The following MYH9 variants were observed in gnomAD, a reference collection of about 807,000 sequenced individuals.
MYH9 encodes myosin-9.
A neutral mutation model predicts 241.9 loss-of-function variants in MYH9; 29 were observed. The observed-to-expected ratio is 0.12, with a 90% CI of 0.09 to 0.16. The LOEUF (loss-of-function observed/expected upper bound fraction) is 0.16, where lower values mean the gene tolerates loss of function less well. Ranked by LOEUF, MYH9 falls within the 10% of genes least tolerant of loss-of-function variation. The probability of loss-of-function intolerance (pLI) is 1.00; values close to 1 mark genes in which losing one functional copy is unlikely to be tolerated. For synonymous variants in MYH9, 1,047 were observed against 1,062.6 expected (o/e 0.99, Z 0.29); for missense variants, 1,803 against 2,595.5 (o/e 0.69, Z 6.63).
intron 31 of MYH9, among the ~76,000 whole-genome samples, chr22:36,291,760 G>A (rs1393769971): frequency 2.0e-5 from 3 of 150,408 alleles, no homozygotes; most frequent in East Asian, 1.9e-4. Context: ...AAATCAGAAA[G>A]GAAAAGTCAC....
In MYH9 at chr22:36,329,590, C is replaced by A. The variant is rs1044540095; in HGVS notation, c.491-2102G>T. Among the ~76,000 whole-genome samples the A allele has an allele frequency of 2.0e-5, 3 of 152,224 alleles. No individual in the cohort carries two copies. Among genetic ancestry groups the A allele is most frequent in the Non-Finnish European group, 4.4e-5 (3 of 68,044 alleles). On this transcript the variant is annotated intron_variant, in intron 3 of 40. Coordinates refer to ENST00000216181, the MANE Select transcript of MYH9 (RefSeq NM_002473.6). The surrounding 1 kb of genome is among the most constrained non-coding windows in gnomAD (Gnocchi z 4.1). ...GCGAGTGCTGGCAAGTCGTGAGCAGCCAACGGCCCAATGCTACCATAAAAG... is the reference window on the plus strand; with the variant it reads ...GCGAGTGCTGGCAAGTCGTGAGCAGACAACGGCCCAATGCTACCATAAAAG...
intron 1 of MYH9, among the ~76,000 whole-genome samples, chr22:36,377,969 A>G (rs2018197739): frequency 6.6e-6 from 1 of 151,768 alleles, no homozygotes; most frequent in Non-Finnish European, 1.5e-5. Flanking sequence ...AGATGATGTT[A>G]TTGTTACTAT....
At chr22:36,290,036 T>C (rs1014272080) in intron 31 of MYH9, among the ~76,000 whole-genome samples, 2 of 152,192 alleles carry the variant, frequency 1.3e-5, no homozygotes, top group Non-Finnish European at 2.9e-5. Context: ...CGATGTCTTC[T>C]ACTGTTCTAT....
Position 36,351,538 on chromosome 22 carries a change from G to A in MYH9, c.-19-2283C>T, listed in dbSNP as rs6000254. On this transcript the variant is annotated intron_variant, in intron 1 of 40. Coordinates refer to ENST00000216181, the MANE Select transcript of MYH9 (RefSeq NM_002473.6). Reference sequence around the variant, plus strand: ...ACTTCACCCTGGCCAGTCCATTCAAGCAAATCCAAGGTTTCTCCCTGCCAG... The same window carrying A: ...ACTTCACCCTGGCCAGTCCATTCAAACAAATCCAAGGTTTCTCCCTGCCAG... 5.0e-3 allele frequency among the ~76,000 whole-genome samples: 755 copies of A among 152,208 alleles called. 9 individuals carry two copies. Among genetic ancestry groups the A allele is most frequent in the African/African-American group, 0.017 (700 of 41,504 alleles).
intron 1 of MYH9, among the ~76,000 whole-genome samples, chr22:36,351,528 G>A (rs997947927): frequency 6.6e-6 from 1 of 152,158 alleles, no homozygotes; most frequent in Non-Finnish European, 1.5e-5. Context: ...ACCCTGGCCA[G>A]TCCATTCAAG....
At chr22:36,297,105 G>A (rs535236026) in intron 24 of MYH9, 91 bp from the exon 25 acceptor site, 2 of 1,420,276 alleles carry the variant, frequency 1.4e-6, no homozygotes, top group Non-Finnish European at 1.9e-6. Flanking sequence ...CACTCGTTAT[G>A]AAACGTGTGT....
chr22:36,314,639 TG>T (rs2017121372), intron 12 of MYH9, among the ~76,000 whole-genome samples: 1 of 151,122 alleles, frequency 6.6e-6, no homozygotes, highest in African/African-American at 2.4e-5. Context: ...AGTAATACAT[TG>T]TTTTTTTTTT....
At position 36,335,111 on chromosome 22, in the gene MYH9, C is replaced by T. The variant is rs6000241; in HGVS notation, c.490+6259G>A. On this transcript the variant is annotated intron_variant, in intron 3 of 40. Transcript: ENST00000216181. ...CAGAAGCTCTCGAGGCTCGGTGGGG[C>T]GCCCCTCCTCTGTGCTAGTCTCTGG... 6.3e-3 allele frequency among the ~76,000 whole-genome samples: 963 copies of T among 152,128 alleles called. 16 individuals are homozygous for T. The highest frequency in any genetic ancestry group is 0.022 in the African/African-American group (897 of 41,488).
Position 36,306,175 on chromosome 22 carries a change from G to A in MYH9, c.2038-124C>T, listed in dbSNP as rs1435107526. The A allele has an allele frequency of 6.6e-7, 1 of 1,504,032 alleles. No individual in the cohort carries two copies. The highest frequency in any genetic ancestry group is 9.1e-7 in the Non-Finnish European group (1 of 1,098,536). 93.2% of individuals were successfully genotyped at this position (1,504,032 alleles called of 1,614,324 possible). A position where few individuals can be genotyped will look rare whatever the true frequency, so the allele number is the denominator to read the frequency against. ...AGGGAGGGGGTCGCTACAGCCCACA[G>A]GTTTGGACAATGAAGTCAAAGGATC... On this transcript the variant is annotated intron_variant, in intron 16 of 40. Transcript: ENST00000216181. This position sits in a 1 kb window ranked among gnomAD's most constrained non-coding sequence, Gnocchi z 4.1.
intron 35 of MYH9, 147 bp downstream of exon 35, chr22:36,286,571 G>T: frequency 8.7e-7 from 1 of 1,144,788 alleles, no homozygotes; most frequent in African/African-American, 1.5e-5. Context: ...CGGAACCCTG[G>T]AGGGAATCCT....
At position 36,314,280 on chromosome 22, in the gene MYH9, A is replaced by G; in HGVS notation, c.1419T>C (p.Asn473=). The part of the protein sequence containing the change: ...SFEQLCINYT[N]EKLQQLFNHT... Reference sequence around the variant, plus strand: ...GGTTGAAGAGCTGCTGCAGCTTCTCATTGGTGTAATTGATGCACAGCTGCT... The same window carrying G: ...GGTTGAAGAGCTGCTGCAGCTTCTCGTTGGTGTAATTGATGCACAGCTGCT... The change falls in exon 13 of 41, where the codon AAT becomes AAC. Residue 473 remains asparagine (N), a synonymous_variant. Transcript: ENST00000216181. The G allele has an allele frequency of 1.2e-6, 2 of 1,614,200 alleles. No individual in the cohort carries two copies. Among genetic ancestry groups the G allele is most frequent in the Non-Finnish European group, 1.7e-6 (2 of 1,180,034 alleles).
Position 36,288,504 on chromosome 22 carries a change from C to T in MYH9, c.4771-91G>A, listed in dbSNP as rs548565082. 1.1e-4 allele frequency: 172 copies of T among 1,548,084 alleles called. No homozygotes were observed. Among genetic ancestry groups the T allele is most frequent in the South Asian group, 1.3e-4 (12 of 89,558 alleles). ...ACTCAGGAGCCTCAGGCCAGTTCTG[C>T]AGGATCCATGGGGCCTCGGGAAACC... is the stretch of plus-strand genomic sequence containing the variant. On this transcript the variant is annotated intron_variant, in intron 33 of 40. Transcript: ENST00000216181. This position sits in a 1 kb window ranked among gnomAD's most constrained non-coding sequence, Gnocchi z 4.8.
At chr22:36,371,220 C>A (rs1395578894) in intron 1 of MYH9, among the ~76,000 whole-genome samples, 1 of 152,198 alleles carries the variant, frequency 6.6e-6, no homozygotes, top group African/African-American at 2.4e-5. Context: ...CAGAATGTGA[C>A]TGGTATTTGA....
chr22:36,290,991 C>T (rs1212213920), intron 31 of MYH9, among the ~76,000 whole-genome samples: 70 of 151,278 alleles, frequency 4.6e-4, no homozygotes, highest in African/African-American at 5.1e-4. Flanking sequence ...CTCCGCCCGG[C>T]GGCCACCCCG....
intron 14 of MYH9, among the ~76,000 whole-genome samples, chr22:36,309,675 C>T (rs759454077): frequency 7.9e-5 from 12 of 152,230 alleles, no homozygotes; most frequent in Admixed American, 5.2e-4. Flanking sequence ...CACACAGTAC[C>T]GTGCTGGGTT....
At chr22:36,340,604 T>A (rs5756159) in intron 3 of MYH9, among the ~76,000 whole-genome samples, 51,151 of 149,448 alleles carry the variant, frequency 0.34, 9,718 homozygotes, top group East Asian at 0.84. Context: ...GAGGTTGCAG[T>A]GAGCCAAGAT....
At chr22:36,292,937 A>G (rs1238664086) in intron 30 of MYH9, among the ~76,000 whole-genome samples, 1 of 152,178 alleles carries the variant, frequency 6.6e-6, no homozygotes, top group Admixed American at 6.5e-5. Context: ...CAGATAACAA[A>G]CAGCGCAGGC....
chr22:36,324,287 T>C (rs1004876260), intron 5 of MYH9, among the ~76,000 whole-genome samples: 1 of 152,234 alleles, frequency 6.6e-6, no homozygotes, highest in Non-Finnish European at 1.5e-5. Flanking sequence ...TGACATCTAA[T>C]TGGGCACAGA....
chr22:36,342,764 G>A (rs1368972163), intron 2 of MYH9, among the ~76,000 whole-genome samples: 1 of 152,130 alleles, frequency 6.6e-6, no homozygotes, highest in Non-Finnish European at 1.5e-5. Context: ...TAAGAAAATG[G>A]GCCTGAGGGG....
Sources: gnomAD v4.1 joint callset for allele counts (sites outside exome capture counted in the v4.1 genomes callset) on GRCh38, gnomAD v4.1.1 for gene constraint, Gnocchi (gnomAD v3.1) non-coding constraint, MANE v1.5 for transcripts, NCBI Gene and HGNC (gene_info 2026-07-23, HGNC 2026-07-21) for gene names.